Variants in SACS observed in about 807,000 individuals in gnomAD.
SACS encodes the protein sacsin molecular chaperone, also known as sacsin.
In SACS, 197 loss-of-function variants were observed where a neutral mutation model predicts 348.0. The observed-to-expected ratio is 0.57, with a 90% confidence interval of 0.50 to 0.64. SACS has a LOEUF of 0.64. Ranked by LOEUF, SACS falls within the 30% of genes least tolerant of loss-of-function variation. The pLI is 0.00. For missense variants in SACS, 4,999 were observed against 5,360.8 expected (o/e 0.93, Z 2.11); for synonymous variants, 1,985 against 1,910.6 (o/e 1.04, Z -1.02).
chr13:23,425,800 G>T (rs558713288), intron 1 of SACS, among the ~76,000 whole-genome samples: 1 of 152,336 alleles, frequency 6.6e-6, no homozygotes, highest in African/African-American at 2.4e-5. Flanking sequence ...GACTCCCTGC[G>T]GGAGTGGGCT....
rs1333804133 is a variant in SACS at position 23,333,263 on chromosome 13, T to C, written c.10613A>G (p.Lys3538Arg). ...HDANSRLKQA[K>R]HFYDRTVRVF... is the part of the protein sequence containing the mutation. Reference sequence around the variant, plus strand: ...TCTCACAGTTCTATCATAGAAATGCTTTGCTTGCTTTAGTCTACTGTTAGC... The same window carrying C: ...TCTCACAGTTCTATCATAGAAATGCCTTGCTTGCTTTAGTCTACTGTTAGC... The change falls in exon 10 of 10, where the codon AAG becomes AGG. Residue 3538 changes from lysine to arginine, a missense_variant. Physicochemically the swap from Lys to Arg is conservative, Grantham distance 26 (BLOSUM62 2). Around this residue, in one of 6 missense-constraint regions of SACS, gnomAD observed 831 missense variants for 941.8 expected, o/e 0.88. Transcript: ENST00000382292. The C allele has an allele frequency of 3.1e-6, 5 of 1,601,242 alleles. No individual in the cohort carries two copies. The highest frequency in any genetic ancestry group is 4.3e-6 in the Non-Finnish European group (5 of 1,175,342).
In SACS at chr13:23,429,345, A is replaced by ATTTTTTTTTTTTTTTT. The variant is rs536939164; in HGVS notation, c.-502+4254_-502+4269dup. Among the ~76,000 whole-genome samples the ATTTTTTTTTTTTTTTT allele has an allele frequency of 5.8e-5, 3 of 51,474 alleles. 1 individual carries two copies. The highest frequency in any genetic ancestry group is 1.0e-4 in the Non-Finnish European group (3 of 28,790). The allele number at this position is 51,474 out of a possible 152,430, so 33.8% of individuals were successfully genotyped here. On this transcript the variant is annotated intron_variant, in intron 1 of 9. Transcript: ENST00000382292. ...CTGTGATTCAGTCGTTGAGGTAGGG[A>ATTTTTTTTTTTTTTTT]TTTTTTTTTTTTTTTTTTTTTTTTT...
rs1868834773 is a variant in SACS, at chr13:23,338,135, C to T, written c.5741G>A (p.Arg1914Lys). The change falls in exon 10 of 10, where the codon AGA becomes AAA. Residue 1914 changes from arginine (R) to lysine (K), a missense_variant. Around this residue, in one of 6 missense-constraint regions of SACS, gnomAD observed 3,156 missense variants for 3,380.1 expected, o/e 0.93. Coordinates refer to ENST00000382292, the MANE Select transcript of SACS (RefSeq NM_014363.6). ...TKGRWNTTFM[R>K]HVIVKAYLQV... Reference sequence around the variant, plus strand: ...TAAGTAAGCTTTCACAATAACATGTCTCATGAACGTGGTATTCCATCGTCC... The same window carrying T: ...TAAGTAAGCTTTCACAATAACATGTTTCATGAACGTGGTATTCCATCGTCC... The T allele has an allele frequency of 6.2e-7, 1 of 1,614,004 alleles. No homozygotes were observed. Among genetic ancestry groups the T allele is most frequent in the Non-Finnish European group, 8.5e-7 (1 of 1,179,980 alleles).
intron 3 of SACS, among the ~76,000 whole-genome samples, chr13:23,373,657 G>A (rs1039286430): frequency 6.6e-6 from 1 of 152,104 alleles, no homozygotes; most frequent in Non-Finnish European, 1.5e-5. Flanking sequence ...AAAATTAGCT[G>A]GGCGTGGTGG....
intron 6 of SACS, among the ~76,000 whole-genome samples, chr13:23,361,045 A>G (rs1044012875): frequency 6.6e-6 from 1 of 151,860 alleles, no homozygotes; most frequent in Non-Finnish European, 1.5e-5. Flanking sequence ...GTGAGCCCCC[A>G]CCCTCCAAGG....
rs1480725917 is a variant in SACS, at chr13:23,335,657, A to C, written c.8219T>G (p.Phe2740Cys). ...LRSDGAELLM[F>C]LNHMEKISIC... The stretch of plus-strand genomic sequence containing the variant: ...AGAAATTTTTTCCATGTGATTAAGA[A>C]ACATTAGAAGTTCTGCCCCATCTGA... Residue 2740 changes from phenylalanine (F) to cysteine (C), a missense_variant, in exon 10 of 10, where the codon TTT becomes TGT. Phe to Cys is a radical substitution (Grantham distance 205, BLOSUM62 -2). Transcript: ENST00000382292. This position sits in a 1 kb window ranked among gnomAD's most constrained non-coding sequence, Gnocchi z 4.7. The C allele has an allele frequency of 6.2e-7, 1 of 1,614,028 alleles. No individual in the cohort carries two copies. Among genetic ancestry groups the C allele is most frequent in the South Asian group, 1.1e-5 (1 of 91,076 alleles).
chr13:23,432,751 C>T (rs1874486138), intron 1 of SACS, among the ~76,000 whole-genome samples: 1 of 152,176 alleles, frequency 6.6e-6, no homozygotes, highest in African/African-American at 2.4e-5. Context: ...AGTTCCCCTT[C>T]AAAATAACTT....
Position 23,341,328 on chromosome 13 carries a change from A to G in SACS, c.2548T>C (p.Phe850Leu), listed in dbSNP as rs373820553. Reference sequence around the variant, plus strand: ...GATGCATCTAATTTTTTAAGGACAAACCCTCCAAGTTTTTGTACAATGTCT... The same window carrying G: ...GATGCATCTAATTTTTTAAGGACAAGCCCTCCAAGTTTTTGTACAATGTCT... ...LADIVQKLGG[F>L]VLKKLDASIQ... The change falls in exon 10 of 10, where the codon TTT becomes CTT. Residue 850 changes from phenylalanine to leucine, a missense_variant. This residue lies in a region of SACS where 3,156 missense variants were observed against 3,380.1 expected (regional missense o/e 0.93). Transcript: ENST00000382292. The G allele has an allele frequency of 1.2e-6, 2 of 1,605,288 alleles. No individual in the cohort carries two copies. The highest frequency in any genetic ancestry group is 1.7e-5 in the Admixed American group (1 of 59,032).
At chr13:23,378,766 G>A (rs1274671417) in intron 2 of SACS, among the ~76,000 whole-genome samples, 2 of 152,116 alleles carry the variant, frequency 1.3e-5, no homozygotes, top group Non-Finnish European at 2.9e-5. Flanking sequence ...TAGAAAATAT[G>A]GAAAGAGAGT....
At chr13:23,398,834 G>C (rs1462671234) in intron 2 of SACS, among the ~76,000 whole-genome samples, 1 of 151,440 alleles carries the variant, frequency 6.6e-6, no homozygotes, top group Non-Finnish European at 1.5e-5. Flanking sequence ...GCCTGGTTGA[G>C]ACCACCCTGG....
chr13:23,338,988 G>C lies in SACS; in HGVS notation c.4888C>G (p.Pro1630Ala), dbSNP rs754704394. ...CTGTAAGGTGCTTCTACAGTCAAAG[G>C]TAACTGACAGCCAAATACATCTATA... Reference protein sequence around the residue: ...PFIDVFGCQLPLTVEAPYSYN... With the variant: ...PFIDVFGCQLALTVEAPYSYN... The change falls in exon 10 of 10, where the codon CCT becomes GCT. Residue 1630 changes from proline (P) to alanine (A), a missense_variant. By Grantham distance (27) the Pro-to-Ala change is conservative (BLOSUM62 -1). Transcript: ENST00000382292. The C allele has an allele frequency of 3.1e-6, 5 of 1,613,890 alleles. No homozygotes were observed. Among genetic ancestry groups the C allele is most frequent in the Non-Finnish European group, 3.4e-6 (4 of 1,179,916 alleles).
chr13:23,375,545 CG>C (rs1277472925), intron 2 of SACS: 3 of 1,065,904 alleles, frequency 2.8e-6, no homozygotes, highest in East Asian at 6.6e-5. Context: ...GAGGAGCAGG[CG>C]GGGGCGGGGA....
chr13:23,422,058 A>C (rs17078724), intron 1 of SACS, among the ~76,000 whole-genome samples: 12,040 of 152,292 alleles, frequency 0.079, 651 homozygotes, highest in East Asian at 0.22. Flanking sequence ...GTATCTAAGT[A>C]ACAACGTTTG....
At position 23,340,939 on chromosome 13, in the gene SACS, G is replaced by C; in HGVS notation, c.2937C>G (p.Asn979Lys). The change falls in exon 10 of 10, where the codon AAC becomes AAG. Residue 979 changes from asparagine (N) to lysine (K), a missense_variant. By Grantham distance (94) the Asn-to-Lys change is moderately conservative (BLOSUM62 0). This residue lies in a region of SACS where 3,156 missense variants were observed against 3,380.1 expected (regional missense o/e 0.93). Coordinates refer to ENST00000382292, the MANE Select transcript of SACS (RefSeq NM_014363.6). ...SSDEATIRLA[N>K]MLKIEQLKTT... is the part of the protein sequence containing the mutation. ...TCTTTAACTGTTCTATTTTCAACATGTTTGCCAGACGAATAGTAGCTTCAT... is the reference window on the plus strand; with the variant it reads ...TCTTTAACTGTTCTATTTTCAACATCTTTGCCAGACGAATAGTAGCTTCAT... 2 of 1,614,038 alleles carry C rather than the reference G, an allele frequency of 1.2e-6. No individual in the cohort carries two copies. Among genetic ancestry groups the C allele is most frequent in the Non-Finnish European group, 1.7e-6 (2 of 1,179,916 alleles).
In SACS at chr13:23,355,852, A is replaced by C; in HGVS notation, c.760T>G (p.Phe254Val). Residue 254 changes from phenylalanine (F) to valine (V), a missense_variant, in exon 8 of 10, where the codon TTT (phenylalanine) becomes GTT (valine). Transcript: ENST00000382292. ...SDQFAPFVGIFGSTKETFING... is the reference protein window; with the variant it reads ...SDQFAPFVGIVGSTKETFING... ...ATAAATGTTTCCTTGGTGCTTCCAA[A>C]AATGCCAACAAATGGTGCAAACTGG... The C allele has an allele frequency of 6.2e-7, 1 of 1,614,214 alleles. No individual in the cohort carries two copies. The highest frequency in any genetic ancestry group is 8.5e-7 in the Non-Finnish European group (1 of 1,180,040).
At chr13:23,404,954 G>C (rs1449664017) in intron 2 of SACS, among the ~76,000 whole-genome samples, 1 of 152,154 alleles carries the variant, frequency 6.6e-6, no homozygotes, top group Non-Finnish European at 1.5e-5. Context: ...TGGATAGGAA[G>C]AATCAATATC....
In SACS at chr13:23,329,015, T is replaced by C. The variant is rs1439316985; in HGVS notation, c.*1121A>G. ...ATTGCATAAAGTATATTTAGCATCA[T>C]TTACAGCCAGTACACTTATATAAAC... is the stretch of plus-strand genomic sequence containing the variant. On this transcript the variant is annotated 3_prime_UTR_variant, in exon 10 of 10. Coordinates refer to ENST00000382292, the MANE Select transcript of SACS (RefSeq NM_014363.6). The C allele has an allele frequency of 6.3e-6, 1 of 158,182 alleles. No homozygotes were observed. The highest frequency in any genetic ancestry group is 1.4e-5 in the Non-Finnish European group (1 of 72,022). 9.8% of individuals were successfully genotyped at this position (158,182 alleles called of 1,614,324 possible).
intron 1 of SACS, among the ~76,000 whole-genome samples, chr13:23,415,341 T>C (rs1830119433): frequency 1.3e-5 from 2 of 152,194 alleles, no homozygotes; most frequent in African/African-American, 2.4e-5. Flanking sequence ...CCCAGTCTTT[T>C]AATTTTAATA....
Position 23,335,133 on chromosome 13 carries a change from TCA to T in SACS, c.8741_8742del (p.Met2914AsnfsTer10), listed in dbSNP as rs1566062490. On this transcript the variant is annotated frameshift_variant, in exon 10 of 10. Transcript: ENST00000382292. LOFTEE classifies it high-confidence loss of function. The surrounding 1 kb of genome is among the most constrained non-coding windows in gnomAD (Gnocchi z 4.7). ...ACATATGCAGGAGCTATTAATGCTG[TCA>T]TTAAACTGTTATTCCAGTCACTTCG... ...GVRSDWNNSL[M>X]TALIAPAYVE... 3 of 1,613,914 alleles carry T rather than the reference TCA, an allele frequency of 1.9e-6. No homozygotes were observed. Among genetic ancestry groups the T allele is most frequent in the Non-Finnish European group, 2.5e-6 (3 of 1,179,826 alleles).
Sources: allele counts gnomAD v4.1 joint callset (sites outside exome capture counted in the v4.1 genomes callset), GRCh38; gene constraint gnomAD v4.1.1; regional missense constraint gnomAD v4.1.1; non-coding constraint Gnocchi (gnomAD v3.1); transcripts MANE v1.5; gene names NCBI Gene and HGNC (gene_info 2026-07-23, HGNC 2026-07-21).